Variants in RUNX2 observed in about 807,000 individuals in gnomAD.
RUNX2 encodes runt-related transcription factor 2.
RUNX2 carries 10 observed loss-of-function variants against 51.7 expected under a neutral mutation model. That is an observed-to-expected ratio of 0.19 (90% CI 0.12 to 0.33). The LOEUF is 0.33. Ranked by LOEUF, RUNX2 falls within the 10% of genes least tolerant of loss-of-function variation. RUNX2 has a pLI of 1.00. For synonymous variants in RUNX2, 276 were observed against 273.6 expected (o/e 1.01, Z -0.09); for missense variants, 562 against 691.3 (o/e 0.81, Z 2.10).
At chr6:45,467,194 C>T (rs1171856904) in intron 5 of RUNX2, among the ~76,000 whole-genome samples, 5 of 152,234 alleles carry the variant, frequency 3.3e-5, no homozygotes, top group Admixed American at 2.0e-4. Flanking sequence ...TGCCTCCATC[C>T]TTGGTCTCTT....
intron 2 of RUNX2, among the ~76,000 whole-genome samples, chr6:45,339,217 G>A (rs1478131372): frequency 6.6e-6 from 1 of 152,030 alleles, no homozygotes; most frequent in Non-Finnish European, 1.5e-5. Context: ...GCCTATACAA[G>A]ACTTCTTATG....
At chr6:45,361,618 T>C (rs1213831668) in intron 2 of RUNX2, 1 of 152,194 alleles carries the variant, frequency 6.6e-6, no homozygotes, top group East Asian at 1.9e-4. Context: ...CTCTGGACCA[T>C]TCCAGTACAG....
intron 2 of RUNX2, among the ~76,000 whole-genome samples, chr6:45,333,481 C>T (rs1311912356): frequency 1.3e-5 from 2 of 151,422 alleles, no homozygotes; most frequent in Admixed American, 6.6e-5. Flanking sequence ...TTATTAAGGG[C>T]ATAGGACTCA....
chr6:45,443,518 A>G (rs954631627), intron 5 of RUNX2, among the ~76,000 whole-genome samples: 2 of 152,244 alleles, frequency 1.3e-5, no homozygotes, highest in Admixed American at 6.5e-5. Flanking sequence ...ATCAACTTAC[A>G]TAAGTGCTTA....
intron 2 of RUNX2, among the ~76,000 whole-genome samples, chr6:45,399,210 T>C (rs1184455693): frequency 6.6e-6 from 1 of 152,024 alleles, no homozygotes; most frequent in African/African-American, 2.4e-5. Context: ...AGTGTCAAGA[T>C]GGAAGCAGAA....
At chr6:45,328,878 A>G in intron 2 of RUNX2, 94 bp downstream of exon 2, 4 of 1,283,760 alleles carry the variant, frequency 3.1e-6, no homozygotes, top group Non-Finnish European at 4.5e-6. Flanking sequence ...TCCAAATAGC[A>G]TATTAAAGAT....
chr6:45,382,543 T>A (rs1797263259), intron 2 of RUNX2, among the ~76,000 whole-genome samples: 1 of 152,144 alleles, frequency 6.6e-6, no homozygotes, highest in Non-Finnish European at 1.5e-5. Flanking sequence ...CATTCCAGAC[T>A]ATGAGAACAA....
intron 2 of RUNX2, among the ~76,000 whole-genome samples, chr6:45,368,276 A>G (rs1795486984): frequency 6.6e-6 from 1 of 152,190 alleles, no homozygotes; most frequent in Non-Finnish European, 1.5e-5. Context: ...GAATAAGTTC[A>G]TATCTGATTA....
chr6:45,512,647 G>A (rs748967215), intron 7 of RUNX2, among the ~76,000 whole-genome samples: 5 of 152,094 alleles, frequency 3.3e-5, no homozygotes, highest in Non-Finnish European at 5.9e-5. Flanking sequence ...ATTTAATGCC[G>A]CCCAGTTAGT....
At chr6:45,341,410 T>A (rs1442132681) in intron 2 of RUNX2, among the ~76,000 whole-genome samples, 1 of 152,160 alleles carries the variant, frequency 6.6e-6, no homozygotes, top group Non-Finnish European at 1.5e-5. Flanking sequence ...GCACCTATAT[T>A]TAACTTGATA....
At chr6:45,461,433 G>A (rs1245350959) in intron 5 of RUNX2, among the ~76,000 whole-genome samples, 2 of 152,188 alleles carry the variant, frequency 1.3e-5, no homozygotes, top group African/African-American at 4.8e-5. Context: ...GATGTATAGA[G>A]GCAAAGAAGC....
rs572323897 is a variant in RUNX2 at position 45,412,144 on chromosome 6, T to A, written c.59-10449T>A. ...CAGAAAATCGCTTGAGGCCAGGAATTTGAGACTAGCCTGGGCTACATGCCC... is the reference window on the plus strand; with the variant it reads ...CAGAAAATCGCTTGAGGCCAGGAATATGAGACTAGCCTGGGCTACATGCCC... On this transcript the variant is annotated intron_variant, in intron 2 of 8. Coordinates refer to ENST00000647337, the MANE Select transcript of RUNX2 (RefSeq NM_001024630.4). 8.0e-5 allele frequency among the ~76,000 whole-genome samples: 12 copies of A among 150,114 alleles called. No homozygotes were observed. In the South Asian group the frequency reaches 1.3e-3, roughly 16 times the overall value.
chr6:45,474,281 T>C (rs1243383067), intron 5 of RUNX2, among the ~76,000 whole-genome samples: 1 of 152,122 alleles, frequency 6.6e-6, no homozygotes, highest in East Asian at 1.9e-4. Context: ...TGAATAAAAG[T>C]TTAGTTTGTA....
At chr6:45,455,209 C>A (rs1323742206) in intron 5 of RUNX2, among the ~76,000 whole-genome samples, 2 of 152,246 alleles carry the variant, frequency 1.3e-5, no homozygotes. Context: ...TTTAAAACAA[C>A]TGCGTTAGAA....
chr6:45,439,557 A>G (rs150628927), intron 5 of RUNX2, among the ~76,000 whole-genome samples: 194 of 152,334 alleles, frequency 1.3e-3, no homozygotes, highest in African/African-American at 4.4e-3. Flanking sequence ...ATAGCAGGAT[A>G]GTTGGTTTTT....
intron 2 of RUNX2, chr6:45,422,387 C>A (rs1462959039): frequency 3.2e-5 from 18 of 568,766 alleles, no homozygotes; most frequent in Non-Finnish European, 5.7e-5. Flanking sequence ...GCCGCATCGC[C>A]AGACTCTGTT....
intron 3 of RUNX2, among the ~76,000 whole-genome samples, chr6:45,424,380 G>T (rs1440525158): frequency 1.3e-5 from 2 of 152,198 alleles, no homozygotes; most frequent in Non-Finnish European, 2.9e-5. Context: ...GTCCACACTC[G>T]CAAGACGCCA....
At chr6:45,529,723 G>C (rs540318659) in intron 7 of RUNX2, among the ~76,000 whole-genome samples, 22 of 152,172 alleles carry the variant, frequency 1.4e-4, no homozygotes, top group Admixed American at 2.6e-4. Flanking sequence ...ACAGATAACA[G>C]CCCCTGGAAA....
intron 5 of RUNX2, among the ~76,000 whole-genome samples, chr6:45,465,359 A>G (rs1799597883): frequency 6.6e-6 from 1 of 152,148 alleles, no homozygotes; most frequent in Non-Finnish European, 1.5e-5. Context: ...ATGGTTAATT[A>G]TATGATATTT....
Sources: allele counts gnomAD v4.1 joint callset (sites outside exome capture counted in the v4.1 genomes callset), GRCh38; gene constraint gnomAD v4.1.1; transcripts MANE v1.5; gene names NCBI Gene and HGNC (gene_info 2026-07-23, HGNC 2026-07-21).